Variants in SDCCAG8 observed in about 807,000 individuals in gnomAD.
SDCCAG8 encodes SHH signaling and ciliogenesis regulator SDCCAG8.
A neutral mutation model predicts 101.8 loss-of-function variants in SDCCAG8; 74 were observed. The ratio of observed to expected loss-of-function variants is 0.73; its 90% CI spans 0.60 to 0.88. The LOEUF is 0.88. Ranked by LOEUF, SDCCAG8 falls within the 40% of genes least tolerant of loss-of-function variation. SDCCAG8 has a pLI of 0.00. For missense variants in SDCCAG8, 787 were observed against 822.6 expected (o/e 0.96, Z 0.53); for synonymous variants, 281 against 292.9 (o/e 0.96, Z 0.41).
chr1:243,377,053 C>G (rs1028591501), intron 12 of SDCCAG8, among the ~76,000 whole-genome samples: 2 of 152,206 alleles, frequency 1.3e-5, no homozygotes, highest in Admixed American at 1.3e-4. Context: ...TGAATTTTCT[C>G]TATAACTCAG....
intron 17 of SDCCAG8, among the ~76,000 whole-genome samples, chr1:243,496,928 C>T (rs964103838): frequency 1.3e-5 from 2 of 152,222 alleles, no homozygotes; most frequent in African/African-American, 4.8e-5. Context: ...GACAGCACGG[C>T]AGGGGAGCAG....
chr1:243,399,344 T>A (rs1425074164), intron 13 of SDCCAG8, among the ~76,000 whole-genome samples: 1 of 152,110 alleles, frequency 6.6e-6, no homozygotes, highest in Non-Finnish European at 1.5e-5. Context: ...TTAAAACCCT[T>A]CAGTGCAAGT....
At chr1:243,340,935 C>T (rs2075347705) in intron 10 of SDCCAG8, 104 bp from the exon 11 acceptor site, 2 of 1,191,142 alleles carry the variant, frequency 1.7e-6, no homozygotes, top group East Asian at 2.3e-5. Context: ...AGAAATGGCT[C>T]ACAGAGCCCA....
At chr1:243,275,753 C>G (rs1276383989) in intron 4 of SDCCAG8, among the ~76,000 whole-genome samples, 1 of 150,482 alleles carries the variant, frequency 6.6e-6, no homozygotes, top group Non-Finnish European at 1.5e-5. Context: ...TAGTATAGGC[C>G]TTTACTTTTT....
At chr1:243,312,894 T>A (rs2072886776) in intron 8 of SDCCAG8, among the ~76,000 whole-genome samples, 1 of 152,148 alleles carries the variant, frequency 6.6e-6, no homozygotes, top group African/African-American at 2.4e-5. Flanking sequence ...CTTCATATTG[T>A]TTCCGACCTT....
intron 16 of SDCCAG8, among the ~76,000 whole-genome samples, chr1:243,454,061 G>A (rs1319737399): frequency 6.6e-6 from 1 of 151,884 alleles, no homozygotes; most frequent in Non-Finnish European, 1.5e-5. Context: ...CTTTTCATTC[G>A]CACCTAGCTC....
chr1:243,390,140 A>T (rs902241253), intron 13 of SDCCAG8, among the ~76,000 whole-genome samples: 1 of 152,164 alleles, frequency 6.6e-6, no homozygotes, highest in African/African-American at 2.4e-5. Flanking sequence ...TTTACAGTGA[A>T]CTTTATCTTT....
chr1:243,316,032 A>G (rs776192495), intron 8 of SDCCAG8, among the ~76,000 whole-genome samples: 1 of 152,224 alleles, frequency 6.6e-6, no homozygotes, highest in Non-Finnish European at 1.5e-5. Flanking sequence ...GCTATTTTAC[A>G]TGCCAGAGCA....
chr1:243,311,282 T>G (rs1558275196), intron 8 of SDCCAG8, among the ~76,000 whole-genome samples: 2 of 152,100 alleles, frequency 1.3e-5, no homozygotes. Flanking sequence ...CCAAAATATA[T>G]TGTTGCAAGA....
chr1:243,299,697 A>C (rs965889231), intron 6 of SDCCAG8, among the ~76,000 whole-genome samples: 1 of 152,120 alleles, frequency 6.6e-6, no homozygotes, highest in African/African-American at 2.4e-5. Flanking sequence ...TACAGGCATG[A>C]GCCACCGTGC....
At chr1:243,295,665 C>T (rs1457146752) in intron 6 of SDCCAG8, among the ~76,000 whole-genome samples, 1 of 152,166 alleles carries the variant, frequency 6.6e-6, no homozygotes, top group African/African-American at 2.4e-5. Flanking sequence ...ATGCAGTCCT[C>T]CCTCCCCAAA....
In SDCCAG8 at chr1:243,458,373, ATTG is replaced by A. The variant is rs1658269273; in HGVS notation, c.1986-30638_1986-30636del. Among the ~76,000 whole-genome samples, 1 of 151,626 alleles carries A rather than the reference ATTG, an allele frequency of 6.6e-6. No homozygotes were observed. The highest frequency in any genetic ancestry group is 2.4e-5 in the African/African-American group (1 of 41,320). On this transcript the variant is annotated intron_variant, in intron 16 of 17. Coordinates refer to ENST00000366541, the MANE Select transcript of SDCCAG8 (RefSeq NM_006642.5). The surrounding 1 kb of genome is among the most constrained non-coding windows in gnomAD (Gnocchi z 4.5). ...TTTCCTGACACCTCTTGCAATAATA[ATTG>A]TTATTATATAATATATAATTATGTA...
intron 16 of SDCCAG8, among the ~76,000 whole-genome samples, chr1:243,480,816 GGGAT>G (rs1279407787): frequency 2.4e-4 from 23 of 97,644 alleles, no homozygotes; most frequent in Admixed American, 7.4e-4. Context: ...ATGGATGGGT[GGGAT>G]GGATGGATGG....
At chr1:243,294,995 C>T (rs1341239477) in intron 6 of SDCCAG8, among the ~76,000 whole-genome samples, 3 of 152,092 alleles carry the variant, frequency 2.0e-5, no homozygotes, top group African/African-American at 7.2e-5. Context: ...ATTCTTTCTG[C>T]CCAGTCACCC....
intron 16 of SDCCAG8, among the ~76,000 whole-genome samples, chr1:243,433,303 G>T (rs1333940049): frequency 6.7e-6 from 1 of 148,412 alleles, no homozygotes; most frequent in African/African-American, 2.5e-5. Context: ...AGTGAGCCGA[G>T]ATCGCGCCAC....
chr1:243,274,995 C>T (rs2068418338), intron 4 of SDCCAG8, among the ~76,000 whole-genome samples: 1 of 152,210 alleles, frequency 6.6e-6, no homozygotes, highest in South Asian at 2.1e-4. Flanking sequence ...CAATCATTCT[C>T]CCATACTTGT....
At chr1:243,498,833 T>TAACTA (rs1264199263) in intron 17 of SDCCAG8, among the ~76,000 whole-genome samples, 1 of 152,214 alleles carries the variant, frequency 6.6e-6, no homozygotes, top group African/African-American at 2.4e-5. Flanking sequence ...AGATGGTTCC[T>TAACTA]AACTAAAGAA....
At chr1:243,392,070 T>G (rs2078738106) in intron 13 of SDCCAG8, among the ~76,000 whole-genome samples, 1 of 152,266 alleles carries the variant, frequency 6.6e-6, no homozygotes, top group Non-Finnish European at 1.5e-5. Context: ...CTATTGTACT[T>G]GATTTCCTAC....
At chr1:243,280,274 C>T (rs1421935927) in intron 4 of SDCCAG8, among the ~76,000 whole-genome samples, 1 of 151,944 alleles carries the variant, frequency 6.6e-6, no homozygotes, top group Non-Finnish European at 1.5e-5. Flanking sequence ...GTAGTGATAG[C>T]CCCATTTTCA....
Sources: allele counts gnomAD v4.1 joint callset (sites outside exome capture counted in the v4.1 genomes callset), GRCh38; gene constraint gnomAD v4.1.1; non-coding constraint Gnocchi (gnomAD v3.1); transcripts MANE v1.5; gene names NCBI Gene and HGNC (gene_info 2026-07-23, HGNC 2026-07-21).